The following NOTCH2NLC variants were observed in gnomAD, a reference collection of about 807,000 sequenced individuals.
NOTCH2NLC encodes notch homolog 2 N-terminal-like protein C.
In NOTCH2NLC, 4 loss-of-function variants were observed where a neutral mutation model predicts 17.7. That is an observed-to-expected ratio of 0.23 (90% CI 0.11 to 0.52). NOTCH2NLC has a LOEUF of 0.52. Among genes scored for constraint, NOTCH2NLC ranks in the 20% least tolerant of loss-of-function variants. The pLI, the probability that NOTCH2NLC is intolerant of heterozygous loss-of-function variation, is 0.96. For missense variants in NOTCH2NLC, 57 were observed against 207.2 expected, an observed-to-expected ratio of 0.28 and a Z score of 4.45; for synonymous variants, 18 against 86.0, an observed-to-expected ratio of 0.21 and a Z score of 4.38.
chr1:149,462,734 T>G (rs1188547706), intron 3 of NOTCH2NLC, among the ~76,000 whole-genome samples: 1 of 149,988 alleles, frequency 6.7e-6, no homozygotes, highest in Non-Finnish European at 1.5e-5. Context: ...TTTGCGCACA[T>G]GTATGTATGT....
chr1:149,412,285 G>A (rs2084302333), intron 1 of NOTCH2NLC, among the ~76,000 whole-genome samples: 1 of 146,224 alleles, frequency 6.8e-6, no homozygotes, highest in Admixed American at 6.9e-5. Flanking sequence ...CACTTTGGGG[G>A]AAAAAAGGGT....
At chr1:149,433,401 C>T (rs2084464433) in intron 2 of NOTCH2NLC, among the ~76,000 whole-genome samples, 1 of 149,412 alleles carries the variant, frequency 6.7e-6, no homozygotes, top group African/African-American at 2.5e-5. Flanking sequence ...ACCTATGAAA[C>T]AAACCTGCAC....
chr1:149,429,500 T>G lies in NOTCH2NLC; in HGVS notation c.136-1442T>G, dbSNP rs1332699315. ...TGAAATTTACTTCTAAGGGTTGTTG[T>G]GAAGATTGAATTAGTTAGCTAATTT... On this transcript the variant is annotated intron_variant, in intron 1 of 4. Transcript: ENST00000650865. Among the ~76,000 whole-genome samples, 12 of 150,566 alleles carry G rather than the reference T, an allele frequency of 8.0e-5. 1 individual carries two copies. The South Asian group carries it at 1.5e-3, about 19-fold the overall frequency.
chr1:149,413,067 G>C (rs1366479943), intron 1 of NOTCH2NLC, among the ~76,000 whole-genome samples: 1 of 148,644 alleles, frequency 6.7e-6, no homozygotes, highest in Non-Finnish European at 1.5e-5. Flanking sequence ...ACTACCACCC[G>C]GCTAATTTTT....
At chr1:149,402,192 A>G (rs1434568180) in intron 1 of NOTCH2NLC, among the ~76,000 whole-genome samples, 8 of 149,700 alleles carry the variant, frequency 5.3e-5, no homozygotes, top group Admixed American at 2.7e-4. Context: ...TGATTCTCCT[A>G]CCTCAGCCTC....
At chr1:149,391,559 CAGG>C (rs2084168459) in intron 1 of NOTCH2NLC, among the ~76,000 whole-genome samples, 1 of 136,650 alleles carries the variant, frequency 7.3e-6, no homozygotes, top group Admixed American at 7.3e-5. Context: ...AAGGTGGAGG[CAGG>C]AGAAGTAGGG....
chr1:149,399,776 C>A (rs1449625063), intron 1 of NOTCH2NLC, among the ~76,000 whole-genome samples: 3 of 137,128 alleles, frequency 2.2e-5, no homozygotes, highest in African/African-American at 8.2e-5. Flanking sequence ...TATGTAGTGG[C>A]TTCTCTGACA....
At chr1:149,446,921 G>T (rs2084557921) in intron 2 of NOTCH2NLC, among the ~76,000 whole-genome samples, 1 of 119,292 alleles carries the variant, frequency 8.4e-6, no homozygotes, top group Non-Finnish European at 1.8e-5. Flanking sequence ...AGATTTTTGT[G>T]GTTATTTTTT....
At chr1:149,438,138 A>C (rs1257580086) in intron 2 of NOTCH2NLC, among the ~76,000 whole-genome samples, 2 of 150,082 alleles carry the variant, frequency 1.3e-5, no homozygotes, top group Admixed American at 1.3e-4. Context: ...AAAGTATACA[A>C]AAAGGGGACT....
chr1:149,415,983 A>G lies in NOTCH2NLC; in HGVS notation c.136-14959A>G, dbSNP rs1226105910. 6.6e-5 allele frequency among the ~76,000 whole-genome samples: 10 copies of G among 150,926 alleles called. 1 individual carries two copies. In the East Asian group the frequency reaches 8.0e-4, roughly 12 times the overall value. ...TCCCATTTCAAGATCCATGTTTGCT[A>G]TATGTGTCAGATGATAAAAATGCCA... On this transcript the variant is annotated intron_variant, in intron 1 of 4. Transcript: ENST00000650865.
chr1:149,433,827 A>G (rs1331637854), intron 2 of NOTCH2NLC, among the ~76,000 whole-genome samples: 5 of 150,910 alleles, frequency 3.3e-5, no homozygotes, highest in Non-Finnish European at 5.9e-5. Flanking sequence ...ACGCACCTGT[A>G]ATCCCAGTTA....
intron 1 of NOTCH2NLC, among the ~76,000 whole-genome samples, chr1:149,429,553 T>C (rs2084432277): frequency 6.6e-6 from 1 of 150,938 alleles, no homozygotes; most frequent in East Asian, 2.0e-4. Flanking sequence ...TAGTGCCTGG[T>C]ATTTAGTAAG....
intron 1 of NOTCH2NLC, among the ~76,000 whole-genome samples, chr1:149,420,041 T>C (rs1361643933): frequency 2.0e-5 from 3 of 146,672 alleles, no homozygotes; most frequent in Non-Finnish European, 4.5e-5. Context: ...TAATTTTTTT[T>C]TTGTACTTTT....
intron 2 of NOTCH2NLC, among the ~76,000 whole-genome samples, chr1:149,436,818 T>G (rs1219957671): frequency 7.3e-6 from 1 of 137,684 alleles, no homozygotes; most frequent in Non-Finnish European, 1.6e-5. Context: ...TAGCAGAAGC[T>G]TGGCCAGTTT....
At chr1:149,463,051 G>T (rs2084659543) in intron 3 of NOTCH2NLC, among the ~76,000 whole-genome samples, 1 of 149,202 alleles carries the variant, frequency 6.7e-6, no homozygotes, top group Non-Finnish European at 1.5e-5. Flanking sequence ...GGCCGGGCTG[G>T]TCTTGAACTC....
intron 1 of NOTCH2NLC, among the ~76,000 whole-genome samples, chr1:149,394,912 A>C (rs1230481866): frequency 1.3e-5 from 2 of 149,164 alleles, no homozygotes; most frequent in Non-Finnish European, 3.0e-5. Context: ...ACTAGGAGCC[A>C]GAAGACCAGA....
At chr1:149,416,653 A>G (rs1476352827) in intron 1 of NOTCH2NLC, among the ~76,000 whole-genome samples, 12 of 139,500 alleles carry the variant, frequency 8.6e-5, no homozygotes, top group African/African-American at 1.3e-4. Flanking sequence ...TTGCTACTCT[A>G]TTATTGAGAA....
intron 2 of NOTCH2NLC, among the ~76,000 whole-genome samples, chr1:149,445,900 TTAA>T (rs1404684509): frequency 5.8e-5 from 7 of 119,986 alleles, no homozygotes; most frequent in African/African-American, 2.2e-4. Context: ...AATCCTCGTT[TTAA>T]AAAAAAAAAA....
intron 2 of NOTCH2NLC, among the ~76,000 whole-genome samples, chr1:149,446,263 A>C (rs2084552500): frequency 1.1e-5 from 1 of 93,920 alleles, no homozygotes; most frequent in Admixed American, 1.2e-4. Flanking sequence ...AAGTGGCTAC[A>C]TGTAAACTAA....
Sources: allele counts gnomAD v4.1 joint callset (sites outside exome capture counted in the v4.1 genomes callset), GRCh38; gene constraint gnomAD v4.1.1; transcripts MANE v1.5; gene names NCBI Gene and HGNC (gene_info 2026-07-23, HGNC 2026-07-21).